The following POU2F3 variants were observed in gnomAD, a reference collection of about 807,000 sequenced individuals.
The protein encoded by POU2F3 is POU class 2 homeobox 3.
POU2F3 carries 23 observed loss-of-function variants against 59.2 expected under a neutral mutation model. The ratio of observed to expected loss-of-function variants is 0.39; its 90% CI spans 0.28 to 0.55. The LOEUF is 0.55. Ranked by LOEUF, POU2F3 falls within the 20% of genes least tolerant of loss-of-function variation. The pLI is 0.66. For synonymous variants in POU2F3, 190 were observed against 214.6 expected, an observed-to-expected ratio of 0.89 and a Z score of 1.00; for missense variants, 473 against 544.5, an observed-to-expected ratio of 0.87 and a Z score of 1.31.
chr11:120,293,702 G>T (rs1941107139), intron 3 of POU2F3, among the ~76,000 whole-genome samples: 1 of 152,102 alleles, frequency 6.6e-6, no homozygotes, highest in African/African-American at 2.4e-5. Flanking sequence ...CCCCAGAGAG[G>T]GCCCTGTGAA....
At position 120,301,939 on chromosome 11, in the gene POU2F3, C is replaced by T. The variant is rs1279270671; in HGVS notation, c.362-347C>T. The T allele has an allele frequency of 2.6e-5, 5 of 195,976 alleles. No homozygotes were observed. In the Admixed American group the frequency reaches 3.1e-4, roughly 12 times the overall value. The allele number at this position is 195,976 out of a possible 1,614,324, so 12.1% of individuals were successfully genotyped here. On this transcript the variant is annotated intron_variant, in intron 5 of 12. Transcript: ENST00000543440. ...GAATTCTCAGCAGCCACCCTGCATCCTTTCCCTTCTTGGTTTTCTTCAGCT... is the reference window on the plus strand; with the variant it reads ...GAATTCTCAGCAGCCACCCTGCATCTTTTCCCTTCTTGGTTTTCTTCAGCT...
chr11:120,276,487 C>T (rs892549835), intron 3 of POU2F3, among the ~76,000 whole-genome samples: 4 of 151,968 alleles, frequency 2.6e-5, no homozygotes, highest in Non-Finnish European at 1.5e-5. Context: ...CTCTTGTTCC[C>T]CTGAGGATTG....
intron 3 of POU2F3, among the ~76,000 whole-genome samples, chr11:120,289,781 C>T (rs1940956873): frequency 6.6e-6 from 1 of 152,232 alleles, no homozygotes; most frequent in South Asian, 2.1e-4. Flanking sequence ...GAGCCTTCTT[C>T]ATCTCATTCC....
rs557273700 is a variant in POU2F3 at position 120,283,429 on chromosome 11, G to A, written c.132+14185G>A. On this transcript the variant is annotated intron_variant, in intron 3 of 12. Coordinates refer to ENST00000543440, the MANE Select transcript of POU2F3 (RefSeq NM_014352.4). ...CCAGCAGCATCCAGTGGGCTGCCCCGTCCTGCTCAGGCAGGCCTCTGAGGA... is the reference window on the plus strand; with the variant it reads ...CCAGCAGCATCCAGTGGGCTGCCCCATCCTGCTCAGGCAGGCCTCTGAGGA... 1.1e-4 allele frequency among the ~76,000 whole-genome samples: 16 copies of A among 152,260 alleles called. No homozygotes were observed. The East Asian group carries it at 2.3e-3, about 22-fold the overall frequency.
chr11:120,295,433 G>C (rs1367120839), intron 3 of POU2F3, among the ~76,000 whole-genome samples: 1 of 152,184 alleles, frequency 6.6e-6, no homozygotes, highest in African/African-American at 2.4e-5. Context: ...CCTCCATCCT[G>C]CCTCCCCAGT....
At chr11:120,310,634 G>A (rs568611139) in intron 10 of POU2F3, among the ~76,000 whole-genome samples, 10 of 152,250 alleles carry the variant, frequency 6.6e-5, no homozygotes, top group South Asian at 4.2e-4. Flanking sequence ...GATGGTGATG[G>A]TTGAAGGTTA....
chr11:120,239,066 G>A (rs1473737879), upstream of POU2F3, among the ~76,000 whole-genome samples: 1 of 152,130 alleles, frequency 6.6e-6, no homozygotes, highest in African/African-American at 2.4e-5. Flanking sequence ...ACGGTGGGAT[G>A]GGCGTGCCAG....
rs1317866792 is a variant in POU2F3, at chr11:120,307,462, C to G, written c.770-17C>G. The G allele has an allele frequency of 3.5e-5, 57 of 1,613,162 alleles. No homozygotes were observed. Among genetic ancestry groups the G allele is most frequent in the Non-Finnish European group, 4.6e-5 (54 of 1,179,526 alleles). Reference sequence around the variant, plus strand: ...TCCCCTTCTCTGAGCTTCCTCTGGTCCTTCGTGTCCCTGCAGAGTCCTCTC... The same window carrying G: ...TCCCCTTCTCTGAGCTTCCTCTGGTGCTTCGTGTCCCTGCAGAGTCCTCTC... On this transcript the variant is annotated splice_polypyrimidine_tract_variant and intron_variant, in intron 8 of 12. Transcript: ENST00000543440.
At chr11:120,283,312 G>A (rs1208513175) in intron 3 of POU2F3, among the ~76,000 whole-genome samples, 1 of 152,174 alleles carries the variant, frequency 6.6e-6, no homozygotes, top group Non-Finnish European at 1.5e-5. Context: ...ACTTGCCCAC[G>A]TGACCTGGGA....
At chr11:120,264,577 G>C (rs539525330) in intron 2 of POU2F3, among the ~76,000 whole-genome samples, 12 of 152,258 alleles carry the variant, frequency 7.9e-5, no homozygotes, top group African/African-American at 1.2e-4. Flanking sequence ...CCACCTTTTG[G>C]GGGGGTGGTC....
rs1463040884 is a variant in POU2F3, at chr11:120,305,783, C to T, written c.767C>T (p.Ala256Val). ...CTGCTGGAGAAGTGGCTGAATGATG[C>T]AGGTAGGCCTCGCAAACACGGATGC... ...KPLLEKWLND[A>V]ESSPSDPSVS... is the part of the protein sequence containing the mutation. Residue 256 changes from alanine to valine, a missense_variant and splice_region_variant, in exon 8 of 13, where the codon GCA (alanine) becomes GTA (valine). Ala to Val is a moderately conservative substitution (Grantham distance 64). Transcript: ENST00000543440. 6.2e-7 allele frequency: 1 copy of T among 1,613,228 alleles called. No individual in the cohort carries two copies. Among genetic ancestry groups the T allele is most frequent in the African/African-American group, 1.3e-5 (1 of 74,914 alleles).
chr11:120,275,128 C>T (rs1011835803), intron 3 of POU2F3, among the ~76,000 whole-genome samples: 8 of 151,978 alleles, frequency 5.3e-5, no homozygotes, highest in African/African-American at 1.7e-4. Flanking sequence ...AATTCCCTTT[C>T]GAGGAATAGG....
chr11:120,305,462 T>G, intron 7 of POU2F3, 182 bp from the exon 8 acceptor site: 1 of 1,068,724 alleles, frequency 9.4e-7, no homozygotes, highest in Non-Finnish European at 1.3e-6. Context: ...ACTGAGAGTC[T>G]AAGGAGAGAA....
At chr11:120,292,303 T>A (rs770400434) in intron 3 of POU2F3, among the ~76,000 whole-genome samples, 1 of 152,144 alleles carries the variant, frequency 6.6e-6, no homozygotes, top group Admixed American at 6.5e-5. Flanking sequence ...ATCATCCCCA[T>A]TGGGGACAGC....
intron 3 of POU2F3, 56 bp from the exon 4 acceptor site, chr11:120,298,209 C>A (rs969982516): frequency 3.9e-6 from 6 of 1,551,838 alleles, no homozygotes; most frequent in Non-Finnish European, 5.2e-6. Context: ...CCATTTCCAT[C>A]TCTGACTGCC....
chr11:120,297,175 T>C (rs1419528937), intron 3 of POU2F3, among the ~76,000 whole-genome samples: 1 of 152,180 alleles, frequency 6.6e-6, no homozygotes, highest in African/African-American at 2.4e-5. Context: ...CATCACATTA[T>C]ATGAATTTAA....
upstream of POU2F3, chr11:120,236,693 CT>C (rs575453610): frequency 2.9e-4 from 439 of 1,505,296 alleles, no homozygotes; most frequent in African/African-American, 5.6e-3. Flanking sequence ...CCAAGAACTG[CT>C]AAAGGAGGAA....
At chr11:120,290,368 G>A (rs534302649) in intron 3 of POU2F3, among the ~76,000 whole-genome samples, 1 of 152,256 alleles carries the variant, frequency 6.6e-6, no homozygotes, top group Admixed American at 6.5e-5. Flanking sequence ...GTGTAGCCTG[G>A]AAATGTTTAC....
chr11:120,293,423 T>C (rs1941093700), intron 3 of POU2F3, among the ~76,000 whole-genome samples: 2 of 152,174 alleles, frequency 1.3e-5, no homozygotes. Context: ...TAGAATATAT[T>C]TTTAAAATGT....
Sources: gnomAD v4.1 joint callset for allele counts (sites outside exome capture counted in the v4.1 genomes callset) on GRCh38, gnomAD v4.1.1 for gene constraint, MANE v1.5 for transcripts, NCBI Gene and HGNC (gene_info 2026-07-23, HGNC 2026-07-21) for gene names.